Variants in DKK2 observed in about 807,000 individuals in gnomAD.
DKK2 encodes the protein dickkopf-related protein 2.
A neutral mutation model predicts 28.1 loss-of-function variants in DKK2; 11 were observed. That is an observed-to-expected ratio of 0.39 (90% CI 0.25 to 0.65). The LOEUF is 0.65. Ranked by LOEUF, DKK2 falls within the 30% of genes least tolerant of loss-of-function variation. The pLI, the probability that DKK2 is intolerant of heterozygous loss-of-function variation, is 0.47. For missense variants in DKK2, 326 were observed against 335.5 expected (o/e 0.97, Z 0.22); for synonymous variants, 135 against 126.5 (o/e 1.07, Z -0.45).
At chr4:106,925,650 A>T in intron 2 of DKK2, 149 bp downstream of exon 2, 1 of 987,144 alleles carries the variant, frequency 1.0e-6, no homozygotes, top group Non-Finnish European at 1.4e-6. Context: ...TTGGGGAGGT[A>T]ATCCAGGTAA....
chr4:106,991,622 G>A (rs2110361858), intron 1 of DKK2, among the ~76,000 whole-genome samples: 2 of 152,202 alleles, frequency 1.3e-5, no homozygotes, highest in South Asian at 4.2e-4. Context: ...TCAACTTGTT[G>A]CTACCTCCAG....
intron 1 of DKK2, among the ~76,000 whole-genome samples, chr4:106,972,580 A>G (rs958742793): frequency 4.6e-5 from 7 of 152,108 alleles, no homozygotes; most frequent in Non-Finnish European, 8.8e-5. Flanking sequence ...TATGACAACA[A>G]TCTGCAAAAT....
chr4:106,975,562 A>G (rs1486109222), intron 1 of DKK2, among the ~76,000 whole-genome samples: 3 of 152,118 alleles, frequency 2.0e-5, no homozygotes, highest in Non-Finnish European at 4.4e-5. Context: ...GGTAGTTTGT[A>G]TTTGTGTGGG....
In DKK2 at chr4:107,018,330, A is replaced by T. The variant is rs964100662; in HGVS notation, c.222+17040T>A. The stretch of plus-strand genomic sequence containing the variant: ...TGTGGGCTGGCCAGAGCTGCAGAAC[A>T]TCATCTGCTCAGCACATGAAATGCC... On this transcript the variant is annotated intron_variant, in intron 1 of 3. Transcript: ENST00000285311. 5.9e-5 allele frequency among the ~76,000 whole-genome samples: 9 copies of T among 152,206 alleles called. 1 individual carries two copies. The highest frequency in any genetic ancestry group is 5.9e-4 in the Admixed American group (9 of 15,278).
chr4:106,924,831 A>G (rs982630431), intron 2 of DKK2, 131 bp from the exon 3 acceptor site: 25 of 877,598 alleles, frequency 2.8e-5, no homozygotes, highest in Non-Finnish European at 3.6e-5. Flanking sequence ...CCACCCATCC[A>G]TTCATTTACT....
chr4:107,034,169 T>C (rs1723925072), intron 1 of DKK2, among the ~76,000 whole-genome samples: 2 of 151,922 alleles, frequency 1.3e-5, no homozygotes, highest in African/African-American at 4.8e-5. Flanking sequence ...CCAGAATGGC[T>C]CGGCCCTCTC....
intron 1 of DKK2, among the ~76,000 whole-genome samples, chr4:106,997,865 A>G (rs1723298361): frequency 6.6e-6 from 1 of 152,178 alleles, no homozygotes; most frequent in Non-Finnish European, 1.5e-5. Flanking sequence ...ATTGCCCACC[A>G]AATTACAACT....
intron 1 of DKK2, among the ~76,000 whole-genome samples, chr4:106,956,648 G>C (rs1438316851): frequency 1.3e-5 from 2 of 152,054 alleles, no homozygotes; most frequent in Non-Finnish European, 2.9e-5. Flanking sequence ...ACAAGCAATG[G>C]GGAAAGGATT....
chr4:106,994,070 GT>G (rs1723239484), intron 1 of DKK2, among the ~76,000 whole-genome samples: 1 of 152,162 alleles, frequency 6.6e-6, no homozygotes, highest in Admixed American at 6.5e-5. Context: ...AAGTAATTCG[GT>G]TTGAAGAACC....
At chr4:106,966,445 A>T (rs901659304) in intron 1 of DKK2, among the ~76,000 whole-genome samples, 1 of 152,186 alleles carries the variant, frequency 6.6e-6, no homozygotes, top group African/African-American at 2.4e-5. Flanking sequence ...TCTCTTCTAA[A>T]TTTTGAACCA....
In DKK2 at chr4:106,984,164, T is replaced by C. The variant is rs150230116; in HGVS notation, c.222+51206A>G. On this transcript the variant is annotated intron_variant, in intron 1 of 3. Coordinates refer to ENST00000285311, the MANE Select transcript of DKK2 (RefSeq NM_014421.3). ...ACAAAAACCTATGTACAAATGTTTG[T>C]AGCAGGTTTATTAACTTTTTAAATT... is the stretch of plus-strand genomic sequence containing the variant. Among the ~76,000 whole-genome samples the C allele has an allele frequency of 9.3e-4, 141 of 152,336 alleles. 1 individual carries two copies. The South Asian group carries it at 0.023, about 25-fold the overall frequency.
At chr4:107,011,857 A>T (rs565933871) in intron 1 of DKK2, among the ~76,000 whole-genome samples, 1 of 151,562 alleles carries the variant, frequency 6.6e-6, no homozygotes, top group East Asian at 1.9e-4. Flanking sequence ...AGTGAGAAAA[A>T]GCAAATAGCA....
rs953594501 is a variant in DKK2, at chr4:107,015,247, A to G, written c.222+20123T>C. The stretch of plus-strand genomic sequence containing the variant: ...ATTGTTAATATTCTAAAGTTTTGAT[A>G]ATCTAATGTCATGAAAGGGAAGATC... On this transcript the variant is annotated intron_variant, in intron 1 of 3. Transcript: ENST00000285311. Among the ~76,000 whole-genome samples the G allele has an allele frequency of 5.9e-5, 9 of 151,720 alleles. 1 individual carries two copies. Among genetic ancestry groups the G allele is most frequent in the Admixed American group, 5.9e-4 (9 of 15,208 alleles).
rs190730734 is a variant in DKK2, at chr4:107,029,804, T to C, written c.222+5566A>G. On this transcript the variant is annotated intron_variant, in intron 1 of 3. Coordinates refer to ENST00000285311, the MANE Select transcript of DKK2 (RefSeq NM_014421.3). ...TGATTTTTTAAAATTGTAGATTTGT[T>C]CTTTTTTTGCTCTAGATTATTTTGT... Among the ~76,000 whole-genome samples, 8 of 152,296 alleles carry C rather than the reference T, an allele frequency of 5.3e-5. No individual in the cohort carries two copies. The East Asian group carries it at 1.5e-3, about 29-fold the overall frequency.
intron 1 of DKK2, among the ~76,000 whole-genome samples, chr4:106,953,881 T>C (rs555953684): frequency 6.6e-6 from 1 of 152,332 alleles, no homozygotes; most frequent in African/African-American, 2.4e-5. Flanking sequence ...CTTAAGCTCT[T>C]GACTTCTAGT....
At chr4:106,964,395 G>A (rs1209521107) in intron 1 of DKK2, among the ~76,000 whole-genome samples, 1 of 152,058 alleles carries the variant, frequency 6.6e-6, no homozygotes, top group Non-Finnish European at 1.5e-5. Context: ...CATGGTTAAT[G>A]GGTACAAAAA....
chr4:107,010,275 A>T (rs1723498203), intron 1 of DKK2, among the ~76,000 whole-genome samples: 1 of 151,826 alleles, frequency 6.6e-6, no homozygotes, highest in African/African-American at 2.4e-5. Context: ...ATTCCCCTTT[A>T]AAGTATGGCT....
chr4:106,995,922 T>C (rs944175507), intron 1 of DKK2, among the ~76,000 whole-genome samples: 1 of 152,184 alleles, frequency 6.6e-6, no homozygotes, highest in African/African-American at 2.4e-5. Flanking sequence ...GGACTCTATG[T>C]ATCTTTAACA....
At chr4:107,011,710 T>TGG (rs1276549528) in intron 1 of DKK2, among the ~76,000 whole-genome samples, 1 of 151,356 alleles carries the variant, frequency 6.6e-6, no homozygotes, top group Non-Finnish European at 1.5e-5. Context: ...TGTGTGTGTG[T>TGG]GTGGGTGTGT....
Sources: gnomAD v4.1 joint callset for allele counts (sites outside exome capture counted in the v4.1 genomes callset) on GRCh38, gnomAD v4.1.1 for gene constraint, MANE v1.5 for transcripts, NCBI Gene and HGNC (gene_info 2026-07-23, HGNC 2026-07-21) for gene names.